The following LRPPRC variants were observed in gnomAD, a reference collection of about 807,000 sequenced individuals.
The protein encoded by LRPPRC is leucine-rich PPR motif-containing protein, mitochondrial.
In LRPPRC, 120 loss-of-function variants were observed where a neutral mutation model predicts 180.3. The observed-to-expected ratio is 0.67, with a 90% CI of 0.57 to 0.77. LRPPRC has a LOEUF of 0.77. LRPPRC is among the 30% of genes least tolerant of loss of function. The pLI is 0.00. For synonymous variants in LRPPRC, 723 were observed against 600.0 expected (o/e 1.21, Z -3.00); for missense variants, 2,012 against 1,657.2 (o/e 1.21, Z -3.72).
In LRPPRC at chr2:43,925,963, T is replaced by G; in HGVS notation, c.2737-2A>C. The G allele has an allele frequency of 6.3e-7, 1 of 1,594,008 alleles. No individual in the cohort carries two copies. Among genetic ancestry groups the G allele is most frequent in the Non-Finnish European group, 8.6e-7 (1 of 1,161,660 alleles). On this transcript the variant is annotated splice_acceptor_variant, in intron 25 of 37. Coordinates refer to ENST00000260665, the MANE Select transcript of LRPPRC (RefSeq NM_133259.4). LOFTEE classifies it high-confidence loss of function. ...AGATCGAGCTCTAATCCCTGGAGTC[T>G]GTAAAATAAAATAATCACATAGCAC...
At chr2:43,946,023 A>T in intron 21 of LRPPRC, 90 bp downstream of exon 21, 9 of 1,321,266 alleles carry the variant, frequency 6.8e-6, no homozygotes, top group Non-Finnish European at 8.7e-6. Context: ...ATGACATTAT[A>T]TAAGAGAGTA....
intron 30 of LRPPRC, among the ~76,000 whole-genome samples, chr2:43,908,181 T>C (rs1284931098): frequency 1.3e-5 from 2 of 152,202 alleles, no homozygotes; most frequent in African/African-American, 2.4e-5. Flanking sequence ...AGTAGGGTTG[T>C]TGTTACATGA....
chr2:43,996,234 C>T (rs777540586), upstream of LRPPRC, among the ~76,000 whole-genome samples: 12 of 152,226 alleles, frequency 7.9e-5, no homozygotes, highest in Non-Finnish European at 1.8e-4. Flanking sequence ...CCCCTGCACT[C>T]CTCTGTTGGT....
chr2:43,975,354 A>G (rs1202221199), intron 6 of LRPPRC, 137 bp from the exon 7 acceptor site: 10 of 662,922 alleles, frequency 1.5e-5, no homozygotes, highest in Non-Finnish European at 2.4e-5. Context: ...GAACTAATGT[A>G]TATTAAACTG....
At chr2:43,976,258 G>C (rs370507538) in intron 5 of LRPPRC, 29 bp from the exon 6 acceptor site, 2 of 1,240,256 alleles carry the variant, frequency 1.6e-6, no homozygotes, top group African/African-American at 1.5e-5. Flanking sequence ...GATACTCATT[G>C]AAAGTATTTA....
chr2:43,959,093 C>G, intron 13 of LRPPRC: 2 of 635,778 alleles, frequency 3.1e-6, no homozygotes, highest in South Asian at 3.7e-5. Flanking sequence ...CCTGAAAAAT[C>G]AAGAGGTTGA....
intron 27 of LRPPRC, among the ~76,000 whole-genome samples, chr2:43,918,608 T>C (rs539801513): frequency 6.6e-6 from 1 of 151,886 alleles, no homozygotes; most frequent in South Asian, 2.1e-4. Flanking sequence ...ACCCTACCTA[T>C]TAAAAAGCAA....
rs574526464 is a variant in LRPPRC, at chr2:43,935,877, C to T, written c.2505-999G>A. 1.8e-4 allele frequency among the ~76,000 whole-genome samples: 27 copies of T among 152,206 alleles called. No homozygotes were observed. The South Asian group carries it at 5.6e-3, about 32-fold the overall frequency. ...CCTGTAATCCCAGCACTTTGGGAGG[C>T]CAAGGAGGGCGGATCACCTGAGGTG... On this transcript the variant is annotated intron_variant, in intron 23 of 37. Coordinates refer to ENST00000260665, the MANE Select transcript of LRPPRC (RefSeq NM_133259.4).
Position 43,901,404 on chromosome 2 carries a change from T to G in LRPPRC, c.3485A>C (p.Gln1162Pro), listed in dbSNP as rs1386258926. The G allele has an allele frequency of 6.2e-7, 1 of 1,613,888 alleles. No homozygotes were observed. The highest frequency in any genetic ancestry group is 1.1e-5 in the South Asian group (1 of 91,080). The change falls in exon 32 of 38, where the codon CAG (glutamine) becomes CCG (proline). Residue 1162 changes from glutamine (Q) to proline (P), a missense_variant. Gln to Pro is a moderately conservative substitution (Grantham distance 76, BLOSUM62 -1). Transcript: ENST00000260665. ...KGDVENIEVV[Q>P]KMLNGLEDSI... ...GTCTTCGAGTCCATTTAACATCTTCTGAACTACTTCTATGTTTTCAACATC... is the reference window on the plus strand; with the variant it reads ...GTCTTCGAGTCCATTTAACATCTTCGGAACTACTTCTATGTTTTCAACATC...
intron 16 of LRPPRC, among the ~76,000 whole-genome samples, 171 bp from the exon 17 acceptor site, chr2:43,948,689 T>C (rs1249249691): frequency 6.6e-6 from 1 of 152,156 alleles, no homozygotes; most frequent in East Asian, 1.9e-4. Flanking sequence ...GGAGCACATA[T>C]CTAACTGGTG....
intron 23 of LRPPRC, among the ~76,000 whole-genome samples, chr2:43,942,536 T>C (rs1035949698): frequency 2.0e-5 from 3 of 152,150 alleles, no homozygotes; most frequent in Admixed American, 2.0e-4. Flanking sequence ...AAAGGAATTA[T>C]TTCATGTGTG....
intron 1 of LRPPRC, among the ~76,000 whole-genome samples, chr2:43,986,452 C>G (rs1303494346): frequency 1.3e-5 from 2 of 152,090 alleles, no homozygotes. Flanking sequence ...TAAAACTCTT[C>G]TCTCCACTTT....
At chr2:43,963,868 T>TA (rs1673452861) in intron 11 of LRPPRC, 162 bp from the exon 12 acceptor site, 2 of 642,810 alleles carry the variant, frequency 3.1e-6, no homozygotes, top group East Asian at 2.6e-5. Context: ...GATACAATGA[T>TA]AAAAAAATTA....
At chr2:43,915,183 G>T (rs1356957094) in intron 29 of LRPPRC, among the ~76,000 whole-genome samples, 1 of 121,622 alleles carries the variant, frequency 8.2e-6, no homozygotes, top group Non-Finnish European at 1.9e-5. Flanking sequence ...ACTCCGGCCT[G>T]GGCAACAGAA....
chr2:43,915,053 C>CAAAA (rs71393213), intron 29 of LRPPRC, among the ~76,000 whole-genome samples: 4 of 96,898 alleles, frequency 4.1e-5, no homozygotes, highest in Non-Finnish European at 8.9e-5. Flanking sequence ...ACTAAAAATA[C>CAAAA]AAAAAAAAAA....
chr2:43,895,277 C>T (rs140047520), intron 35 of LRPPRC, among the ~76,000 whole-genome samples: 2 of 152,188 alleles, frequency 1.3e-5, no homozygotes, highest in African/African-American at 2.4e-5. Context: ...TCTGGCTTAA[C>T]TATTCTACTG....
intron 11 of LRPPRC, among the ~76,000 whole-genome samples, chr2:43,969,810 G>C (rs1673723845): frequency 6.6e-6 from 1 of 151,888 alleles, no homozygotes; most frequent in Non-Finnish European, 1.5e-5. Context: ...AGCCTCCCAA[G>C]CAGCTAGGAG....
At position 43,963,583 on chromosome 2, in the gene LRPPRC, C is replaced by T; in HGVS notation, c.1488+5G>A. The T allele has an allele frequency of 6.6e-7, 1 of 1,506,282 alleles. No individual in the cohort carries two copies. Among genetic ancestry groups the T allele is most frequent in the Non-Finnish European group, 9.2e-7 (1 of 1,081,996 alleles). The allele number at this position is 1,506,282 out of a possible 1,614,324, so 93.3% of individuals were successfully genotyped here. A position where few individuals can be genotyped will look rare whatever the true frequency, so the allele number is the denominator to read the frequency against. ...TTATTAAATTAAAACCACACTTGTA[C>T]TCACCTGCAAAATGGCTCGTGCTGA... On this transcript the variant is annotated splice_donor_5th_base_variant and intron_variant, in intron 12 of 37. Transcript: ENST00000260665.
At chr2:43,892,594 G>A (rs1670530184) in intron 36 of LRPPRC, 2 of 152,146 alleles carry the variant, frequency 1.3e-5, no homozygotes, top group Non-Finnish European at 2.9e-5. Context: ...AGATATACAG[G>A]GAGATTAATG....
Sources: allele counts gnomAD v4.1 joint callset (sites outside exome capture counted in the v4.1 genomes callset), GRCh38; gene constraint gnomAD v4.1.1; transcripts MANE v1.5; gene names NCBI Gene and HGNC (gene_info 2026-07-23, HGNC 2026-07-21).